Variants in NKAIN2 observed in about 807,000 individuals in gnomAD.
NKAIN2 encodes sodium/potassium transporting ATPase interacting 2.
In NKAIN2, 14 loss-of-function variants were observed where a neutral mutation model predicts 32.6. That is an observed-to-expected ratio of 0.43 (90% CI 0.28 to 0.67). The LOEUF (loss-of-function observed/expected upper bound fraction) is 0.67, where lower values mean the gene tolerates loss of function less well. Among genes scored for constraint, NKAIN2 ranks in the 30% least tolerant of loss-of-function variants. The probability of loss-of-function intolerance (pLI) is 0.17; values close to 1 mark genes in which losing one functional copy is unlikely to be tolerated. For synonymous variants in NKAIN2, 80 were observed against 87.2 expected, an observed-to-expected ratio of 0.92 and a Z score of 0.46; for missense variants, 198 against 258.3, an observed-to-expected ratio of 0.77 and a Z score of 1.60.
At chr6:124,160,586 TTTAA>T (rs1212816664) in intron 1 of NKAIN2, among the ~76,000 whole-genome samples, 5 of 152,128 alleles carry the variant, frequency 3.3e-5, no homozygotes, top group African/African-American at 7.2e-5. Flanking sequence ...ATGATCTAAA[TTTAA>T]TTAAGTAAAA....
chr6:123,926,574 G>A (rs548208445), intron 1 of NKAIN2, among the ~76,000 whole-genome samples: 39 of 152,106 alleles, frequency 2.6e-4, no homozygotes, highest in Non-Finnish European at 5.4e-4. Flanking sequence ...CTGCTGCAGC[G>A]CTACTTTTCT....
intron 3 of NKAIN2, among the ~76,000 whole-genome samples, chr6:124,541,052 G>T (rs1230961433): frequency 6.6e-6 from 1 of 152,126 alleles, no homozygotes; most frequent in Non-Finnish European, 1.5e-5. Context: ...GAGATAATGT[G>T]TTATAAACTA....
intron 1 of NKAIN2, among the ~76,000 whole-genome samples, chr6:123,860,268 C>G (rs1375070388): frequency 2.0e-5 from 3 of 152,038 alleles, no homozygotes; most frequent in South Asian, 2.1e-4. Flanking sequence ...CCATCTCCCT[C>G]CTGCCAATTT....
At chr6:124,405,033 G>C (rs1773787062) in intron 3 of NKAIN2, among the ~76,000 whole-genome samples, 1 of 152,154 alleles carries the variant, frequency 6.6e-6, no homozygotes, top group South Asian at 2.1e-4. Context: ...CTGAGTGAAT[G>C]AATGCCGTGT....
At chr6:124,345,610 G>GTTTA (rs1372425879) in intron 2 of NKAIN2, among the ~76,000 whole-genome samples, 1 of 151,828 alleles carries the variant, frequency 6.6e-6, no homozygotes, top group Admixed American at 6.6e-5. Flanking sequence ...AGATTTTCTA[G>GTTTA]TTTATTTGCG....
chr6:124,157,193 G>A (rs1788030739), intron 1 of NKAIN2, among the ~76,000 whole-genome samples: 1 of 148,210 alleles, frequency 6.7e-6, no homozygotes, highest in Non-Finnish European at 1.5e-5. Context: ...GATACATACT[G>A]GAGAAATACC....
intron 3 of NKAIN2, among the ~76,000 whole-genome samples, chr6:124,510,829 A>T (rs2114772525): frequency 6.6e-6 from 1 of 152,330 alleles, no homozygotes; most frequent in East Asian, 1.9e-4. Context: ...CATGTAGAAA[A>T]TATATCAGGT....
At chr6:124,305,525 T>C (rs1357492923) in intron 2 of NKAIN2, among the ~76,000 whole-genome samples, 1 of 152,076 alleles carries the variant, frequency 6.6e-6, no homozygotes, top group Non-Finnish European at 1.5e-5. Context: ...AGGGGAAGTT[T>C]GACAAGGAAA....
At chr6:124,229,533 T>TAGACAGACAGACAGAC (rs71021483) in intron 1 of NKAIN2, among the ~76,000 whole-genome samples, 7 of 149,066 alleles carry the variant, frequency 4.7e-5, no homozygotes, top group African/African-American at 1.8e-4. Context: ...GATAGATAGA[T>TAGACAGACAGACAGAC]AGACAGACAG....
In NKAIN2 at chr6:124,630,155, T is replaced by C. The variant is rs186241437; in HGVS notation, c.274-28031T>C. 3.9e-5 allele frequency among the ~76,000 whole-genome samples: 6 copies of C among 152,228 alleles called. No homozygotes were observed. The East Asian group carries it at 9.7e-4, about 25-fold the overall frequency. The stretch of plus-strand genomic sequence containing the variant: ...AAGCCAGTATTGGTATTTAGAAGTA[T>C]ATACGGGCAAATAAATCCAGGCTCC... On this transcript the variant is annotated intron_variant, in intron 3 of 6. Transcript: ENST00000368417.
chr6:124,663,474 A>T (rs1772592554), intron 4 of NKAIN2, among the ~76,000 whole-genome samples: 1 of 152,168 alleles, frequency 6.6e-6, no homozygotes, highest in Non-Finnish European at 1.5e-5. Context: ...CAAAAACTAA[A>T]TTAGCCAGAT....
At chr6:124,210,504 A>G (rs1048205648) in intron 1 of NKAIN2, among the ~76,000 whole-genome samples, 1 of 151,810 alleles carries the variant, frequency 6.6e-6, no homozygotes, top group African/African-American at 2.4e-5. Flanking sequence ...ACTGAATTGT[A>G]GATTGCTTTG....
At chr6:124,029,556 CTTTAAG>C (rs1170634714) in intron 1 of NKAIN2, among the ~76,000 whole-genome samples, 1 of 152,116 alleles carries the variant, frequency 6.6e-6, no homozygotes, top group Non-Finnish European at 1.5e-5. Context: ...GTGTGCCAGC[CTTTAAG>C]TTTATTACTT....
intron 1 of NKAIN2, among the ~76,000 whole-genome samples, chr6:124,253,043 G>A (rs1222655218): frequency 6.6e-6 from 1 of 152,092 alleles, no homozygotes; most frequent in Non-Finnish European, 1.5e-5. Context: ...AATACCAAGT[G>A]GTACCTGGAT....
intron 1 of NKAIN2, among the ~76,000 whole-genome samples, chr6:123,997,954 A>T (rs889479487): frequency 6.6e-6 from 1 of 152,034 alleles, no homozygotes; most frequent in South Asian, 2.1e-4. Context: ...GTCTTCAGGT[A>T]TTTTCAAATA....
At chr6:124,388,481 T>A (rs1418221663) in intron 3 of NKAIN2, among the ~76,000 whole-genome samples, 1 of 152,056 alleles carries the variant, frequency 6.6e-6, no homozygotes, top group Non-Finnish European at 1.5e-5. Flanking sequence ...TGAAAAACAC[T>A]GATCTACAGT....
chr6:124,307,898 G>A (rs1361483575), intron 2 of NKAIN2, among the ~76,000 whole-genome samples: 1 of 152,098 alleles, frequency 6.6e-6, no homozygotes, highest in African/African-American at 2.4e-5. Context: ...TATATAAAAT[G>A]TGAAGTATGA....
At chr6:124,181,156 G>A (rs1378291466) in intron 1 of NKAIN2, among the ~76,000 whole-genome samples, 1 of 152,172 alleles carries the variant, frequency 6.6e-6, no homozygotes, top group Non-Finnish European at 1.5e-5. Context: ...AAGGTTTGGG[G>A]CTTGCATCCT....
intron 3 of NKAIN2, among the ~76,000 whole-genome samples, chr6:124,525,437 C>T (rs1196858657): frequency 6.6e-6 from 1 of 152,040 alleles, no homozygotes; most frequent in East Asian, 1.9e-4. Flanking sequence ...AGACTAGAAT[C>T]TAGCTAGAAT....
Sources: allele counts gnomAD v4.1 joint callset (sites outside exome capture counted in the v4.1 genomes callset), GRCh38; gene constraint gnomAD v4.1.1; transcripts MANE v1.5; gene names NCBI Gene and HGNC (gene_info 2026-07-23, HGNC 2026-07-21).